Variants in ZNF503 observed in about 807,000 individuals in gnomAD.
ZNF503 encodes NocA-like zinc finger 2.
A neutral mutation model predicts 34.4 loss-of-function variants in ZNF503; 15 were observed. The observed-to-expected ratio is 0.44, with a 90% CI of 0.29 to 0.67. The LOEUF (loss-of-function observed/expected upper bound fraction) is 0.67. Ranked by LOEUF, ZNF503 falls within the 30% of genes least tolerant of loss-of-function variation. The probability of loss-of-function intolerance (pLI) is 0.13; values close to 1 mark genes in which losing one functional copy is unlikely to be tolerated. For missense variants in ZNF503, 1,007 were observed against 926.8 expected, an observed-to-expected ratio of 1.09 and a Z score of -1.12; for synonymous variants, 580 against 456.8, an observed-to-expected ratio of 1.27 and a Z score of -3.44.
At chr10:75,326,389 T>C in the ZNF503 span, among the ~76,000 whole-genome samples, 1 of 152,182 alleles carries the variant, frequency 6.6e-6, no homozygotes, top group South Asian at 2.1e-4. Flanking sequence ...TTTCTTTCTT[T>C]CTTTTCTTGA....
chr10:75,377,285 C>T, the ZNF503 span, among the ~76,000 whole-genome samples: 2 of 152,206 alleles, frequency 1.3e-5, no homozygotes, highest in African/African-American at 4.8e-5. Flanking sequence ...TAGGAAGGAT[C>T]ATGGAAAGCC....
the ZNF503 span, among the ~76,000 whole-genome samples, chr10:75,322,818 C>T: frequency 5.8e-4 from 88 of 152,328 alleles, no homozygotes; most frequent in African/African-American, 2.0e-3. Flanking sequence ...CTAACCTGGG[C>T]AGCAGAGTGA....
the ZNF503 span, among the ~76,000 whole-genome samples, chr10:75,299,722 G>A: frequency 6.6e-6 from 1 of 152,104 alleles, no homozygotes; most frequent in African/African-American, 2.4e-5. Context: ...GGCATCTGGG[G>A]GAGACATCAC....
At chr10:75,282,317 G>A in the ZNF503 span, among the ~76,000 whole-genome samples, 1 of 152,206 alleles carries the variant, frequency 6.6e-6, no homozygotes, top group Admixed American at 6.5e-5. Flanking sequence ...AGCCTTGGCT[G>A]GGGGAATTCC....
chr10:75,296,779 GAA>G, the ZNF503 span: 2 of 152,334 alleles, frequency 1.3e-5, no homozygotes, highest in Non-Finnish European at 2.9e-5. Flanking sequence ...GAGAGAGAGA[GAA>G]GAGAATGCAG....
At chr10:75,382,646 C>G in the ZNF503 span, 1 of 366,882 alleles carries the variant, frequency 2.7e-6, no homozygotes, top group Admixed American at 3.6e-5. Flanking sequence ...GTTCTAGAAG[C>G]AGTCTTCTAC....
At chr10:75,322,106 T>C in the ZNF503 span, among the ~76,000 whole-genome samples, 1 of 149,418 alleles carries the variant, frequency 6.7e-6, no homozygotes, top group Admixed American at 6.8e-5. Context: ...TGGAATACTT[T>C]AGCTTTATTT....
In ZNF503 at chr10:75,401,325, C is replaced by G. The variant is rs1843809432; in HGVS notation, c.95G>C (p.Trp32Ser). Residue 32 changes from tryptophan to serine, a missense_variant, in exon 1 of 2, where the codon TGG (tryptophan) becomes TCG (serine). Trp to Ser is a radical substitution (Grantham distance 177). Transcript: ENST00000372524. ...GGGGGGADPA[W>S]TSALSGNSSG... is the part of the protein sequence containing the mutation. ...GCTATTTCCAGAGAGCGCGCTGGTC[C>G]AGGCAGGGTCTGCACCGCCGCCTCC... 3 of 1,505,484 alleles carry G rather than the reference C, an allele frequency of 2.0e-6. No homozygotes were observed. The highest frequency in any genetic ancestry group is 1.4e-5 in the African/African-American group (1 of 72,330). 93.3% of individuals were successfully genotyped at this position (1,505,484 alleles called of 1,614,324 possible).
At chr10:75,353,724 A>G in the ZNF503 span, among the ~76,000 whole-genome samples, 1 of 152,194 alleles carries the variant, frequency 6.6e-6, no homozygotes, top group Non-Finnish European at 1.5e-5. Flanking sequence ...TGCTAAGGTG[A>G]CACCTGTCCA....
chr10:75,362,698 T>C, the ZNF503 span, among the ~76,000 whole-genome samples: 1 of 152,180 alleles, frequency 6.6e-6, no homozygotes, highest in Non-Finnish European at 1.5e-5. Context: ...ACTAATGTGG[T>C]GCTGGTCTTG....
At chr10:75,349,534 T>C in the ZNF503 span, among the ~76,000 whole-genome samples, 239 of 152,342 alleles carry the variant, frequency 1.6e-3, no homozygotes, top group African/African-American at 5.6e-3. Flanking sequence ...GATTATTGTG[T>C]CCATTTTGCA....
the ZNF503 span, among the ~76,000 whole-genome samples, chr10:75,330,998 A>G: frequency 2.0e-5 from 3 of 152,166 alleles, no homozygotes; most frequent in Non-Finnish European, 4.4e-5. Context: ...AAATTCCCTC[A>G]GCACTGCTTT....
chr10:75,383,189 A>G, the ZNF503 span, among the ~76,000 whole-genome samples: 119 of 152,218 alleles, frequency 7.8e-4, 1 homozygote, highest in African/African-American at 2.7e-3. Context: ...ATGAGTCCTC[A>G]TGATTTTTCT....
chr10:75,324,503 T>C, the ZNF503 span, among the ~76,000 whole-genome samples: 1 of 152,044 alleles, frequency 6.6e-6, no homozygotes. Context: ...TAATTTTTAA[T>C]TTTTTTAGAG....
At chr10:75,355,091 C>T in the ZNF503 span, among the ~76,000 whole-genome samples, 82 of 152,218 alleles carry the variant, frequency 5.4e-4, no homozygotes, top group African/African-American at 1.7e-3. Flanking sequence ...ATGATTTGCC[C>T]GCCTTGGCCC....
chr10:75,297,039 C>T, the ZNF503 span, among the ~76,000 whole-genome samples: 3 of 152,332 alleles, frequency 2.0e-5, no homozygotes, highest in South Asian at 6.2e-4. Flanking sequence ...CACTTGTCCT[C>T]AACTGTGACC....
the ZNF503 span, among the ~76,000 whole-genome samples, chr10:75,392,295 G>A: frequency 1.3e-5 from 2 of 152,210 alleles, no homozygotes; most frequent in Admixed American, 6.5e-5. Flanking sequence ...CAGAGGACAT[G>A]TGACTTACTT....
In ZNF503 at chr10:75,401,384, G is replaced by A. The variant is rs914988528; in HGVS notation, c.36C>T (p.Ser12=). ...STAPSLSALR[S]SKHSGGGGGG... is the part of the protein sequence containing the mutation. The stretch of plus-strand genomic sequence containing the variant: ...CGCCGCCGCCGCCGCTGTGCTTACT[G>A]CTTCTTAGGGCAGAAAGCGAGGGCG... The change falls in exon 1 of 2, where the codon AGC becomes AGT. Residue 12 remains serine (S), a synonymous_variant. Coordinates refer to ENST00000372524, the MANE Select transcript of ZNF503 (RefSeq NM_032772.6). 9 of 1,539,322 alleles carry A rather than the reference G, an allele frequency of 5.8e-6. No homozygotes were observed. The Middle Eastern group carries it at 8.1e-4, about 139-fold the overall frequency.
the ZNF503 span, among the ~76,000 whole-genome samples, chr10:75,293,087 G>A: frequency 6.6e-6 from 1 of 152,192 alleles, no homozygotes; most frequent in Non-Finnish European, 1.5e-5. Context: ...GGGATTTGTA[G>A]TATAAACACG....
Sources: allele counts gnomAD v4.1 joint callset (sites outside exome capture counted in the v4.1 genomes callset), GRCh38; gene constraint gnomAD v4.1.1; transcripts MANE v1.5; gene names NCBI Gene and HGNC (gene_info 2026-07-23, HGNC 2026-07-21).